TEX2: variants seen among roughly 807,000 people sequenced by gnomAD.
The protein encoded by TEX2 is testis expressed 2.
Under a neutral mutation model 106.9 loss-of-function variants are expected in TEX2, and 53 were observed. The ratio of observed to expected loss-of-function variants is 0.50; its 90% confidence interval spans 0.40 to 0.62. TEX2 has a LOEUF of 0.62. Ranked by LOEUF, TEX2 falls within the 20% of genes least tolerant of loss-of-function variation. TEX2 has a pLI of 0.00. For missense variants in TEX2, 1,207 were observed against 1,379.0 expected (o/e 0.88, Z 1.98); for synonymous variants, 523 against 534.8 (o/e 0.98, Z 0.30).
At chr17:64,186,634 T>C (rs2032086064) in intron 5 of TEX2, among the ~76,000 whole-genome samples, 1 of 152,104 alleles carries the variant, frequency 6.6e-6, no homozygotes, top group Non-Finnish European at 1.5e-5. Context: ...CTGGGCAACA[T>C]GGTGAAACCC....
At chr17:64,171,005 G>T in intron 7 of TEX2, 95 bp downstream of exon 7, 2 of 966,470 alleles carry the variant, frequency 2.1e-6, no homozygotes, top group Non-Finnish European at 3.2e-6. Flanking sequence ...GATTTAAAAA[G>T]TCCTCAACAC....
chr17:64,192,309 G>A (rs2032329158), intron 4 of TEX2, among the ~76,000 whole-genome samples: 2 of 152,204 alleles, frequency 1.3e-5, no homozygotes, highest in Admixed American at 1.3e-4. Flanking sequence ...GAAACAGGGT[G>A]GGCTCCTAAT....
chr17:64,229,113 AAGTC>A (rs782196760), intron 1 of TEX2, among the ~76,000 whole-genome samples: 12 of 152,342 alleles, frequency 7.9e-5, no homozygotes, highest in Non-Finnish European at 1.5e-4. Flanking sequence ...TGCAAAAAGA[AAGTC>A]TATCTGTAGG....
chr17:64,243,722 T>C (rs1376342252), intron 1 of TEX2, among the ~76,000 whole-genome samples: 1 of 152,178 alleles, frequency 6.6e-6, no homozygotes, highest in Non-Finnish European at 1.5e-5. Flanking sequence ...TTGGTCTGTG[T>C]GTACATGTGC....
chr17:64,181,828 T>C (rs1481573754), intron 5 of TEX2, among the ~76,000 whole-genome samples: 1 of 151,402 alleles, frequency 6.6e-6, no homozygotes, highest in Non-Finnish European at 1.5e-5. Context: ...TTTTGTATTT[T>C]TTTTTTTTTT....
intron 1 of TEX2, chr17:64,242,318 G>C (rs1161596933): frequency 6.6e-6 from 1 of 152,182 alleles, no homozygotes; most frequent in Non-Finnish European, 1.5e-5. Flanking sequence ...AAGCCTTCCT[G>C]AGGACTATAA....
chr17:64,181,411 G>A lies in TEX2; in HGVS notation c.2425-3940C>T, dbSNP rs111624300. Reference sequence around the variant, plus strand: ...GAATCGCTTGAGCCCAGGAGGCAGAGGTTGCAGTGGGCCGAGACCGTGCCA... The same window carrying A: ...GAATCGCTTGAGCCCAGGAGGCAGAAGTTGCAGTGGGCCGAGACCGTGCCA... On this transcript the variant is annotated intron_variant, in intron 5 of 11. Coordinates refer to ENST00000584379, the MANE Select transcript of TEX2 (RefSeq NM_001288732.2). Among the ~76,000 whole-genome samples, 1,367 of 146,672 alleles carry A rather than the reference G, an allele frequency of 9.3e-3. 20 individuals are homozygous for A. Among genetic ancestry groups the A allele is most frequent in the African/African-American group, 0.033 (1,309 of 39,598 alleles).
At chr17:64,186,030 T>G (rs545355827) in intron 5 of TEX2, among the ~76,000 whole-genome samples, 1 of 152,322 alleles carries the variant, frequency 6.6e-6, no homozygotes, top group African/African-American at 2.4e-5. Context: ...AATGCTGGGC[T>G]GTGACATCAG....
intron 1 of TEX2, among the ~76,000 whole-genome samples, chr17:64,215,680 T>C (rs2033165434): frequency 6.6e-6 from 1 of 152,208 alleles, no homozygotes; most frequent in Admixed American, 6.5e-5. Context: ...TCCACAGTCC[T>C]TTCCAAATTT....
intron 7 of TEX2, among the ~76,000 whole-genome samples, chr17:64,162,444 T>A (rs2030929937): frequency 6.6e-6 from 1 of 152,226 alleles, no homozygotes; most frequent in East Asian, 1.9e-4. Context: ...ACTATATACA[T>A]CCAAACATAA....
rs142061807 is a variant in TEX2 at position 64,212,940 on chromosome 17, G to C, written c.1278C>G (p.Phe426Leu). ...EEFCELYTED[F>L]DLETEGESKV... Reference sequence around the variant, plus strand: ...TACTCTCCCCCTCCGTTTCCAAATCGAAGTCCTCAGTGTACAGTTCACAAA... The same window carrying C: ...TACTCTCCCCCTCCGTTTCCAAATCCAAGTCCTCAGTGTACAGTTCACAAA... The change falls in exon 2 of 12, where the codon TTC becomes TTG. Residue 426 changes from phenylalanine to leucine, a missense_variant. Phe to Leu is a conservative substitution (Grantham distance 22). Coordinates refer to ENST00000584379, the MANE Select transcript of TEX2 (RefSeq NM_001288732.2). The C allele has an allele frequency of 3.5e-4, 568 of 1,614,148 alleles. 1 individual carries two copies. In the African/African-American group the frequency reaches 6.4e-3, roughly 18 times the overall value.
chr17:64,157,686 C>T (rs1211640028), intron 8 of TEX2, among the ~76,000 whole-genome samples: 1 of 152,262 alleles, frequency 6.6e-6, no homozygotes, highest in East Asian at 1.9e-4. Flanking sequence ...TTCTATACAC[C>T]TGCCACAGGC....
intron 1 of TEX2, among the ~76,000 whole-genome samples, chr17:64,243,006 G>A (rs544808351): frequency 5.2e-4 from 79 of 151,432 alleles, no homozygotes; most frequent in Non-Finnish European, 8.1e-4. Context: ...TCAGCTGACT[G>A]CAACCTCTGC....
rs2032545312 is a variant in TEX2 at position 64,198,366 on chromosome 17, G to A, written c.1645-3271C>T. Among the ~76,000 whole-genome samples the A allele has an allele frequency of 2.0e-5, 3 of 150,758 alleles. No homozygotes were observed. In the Admixed American group the frequency reaches 2.0e-4, roughly 10 times the overall value. On this transcript the variant is annotated intron_variant, in intron 2 of 11. Transcript: ENST00000584379. ...AGGCAACTAGATTAATAAAGAACTT[G>A]AAGCAGATATAATCGTTTTTCTAAG... is the stretch of plus-strand genomic sequence containing the variant.
At chr17:64,163,926 T>G (rs2143680139) in intron 7 of TEX2, among the ~76,000 whole-genome samples, 1 of 152,332 alleles carries the variant, frequency 6.6e-6, no homozygotes, top group African/African-American at 2.4e-5. Context: ...GAAAATACTT[T>G]CTATAACCAT....
intron 1 of TEX2, among the ~76,000 whole-genome samples, chr17:64,248,628 A>G (rs1176424810): frequency 2.0e-5 from 3 of 152,352 alleles, no homozygotes; most frequent in Non-Finnish European, 4.4e-5. Context: ...TGATTAGACG[A>G]GGGTTCCCAT....
chr17:64,223,081 C>T (rs1168298027), intron 1 of TEX2, among the ~76,000 whole-genome samples: 4 of 152,146 alleles, frequency 2.6e-5, no homozygotes, highest in African/African-American at 9.7e-5. Flanking sequence ...ATCTAGTTTA[C>T]AAATTAGTAG....
intron 4 of TEX2, among the ~76,000 whole-genome samples, chr17:64,192,016 G>A (rs1259624307): frequency 1.3e-5 from 2 of 151,908 alleles, no homozygotes; most frequent in Non-Finnish European, 2.9e-5. Context: ...CTTATACTTA[G>A]AGCACACCTC....
intron 6 of TEX2, among the ~76,000 whole-genome samples, chr17:64,176,742 A>G (rs986667731): frequency 2.6e-5 from 4 of 152,222 alleles, no homozygotes; most frequent in African/African-American, 9.6e-5. Flanking sequence ...GCCAAAAAGT[A>G]AAGGTCAAAC....
Sources: allele counts gnomAD v4.1 joint callset (sites outside exome capture counted in the v4.1 genomes callset), GRCh38; gene constraint gnomAD v4.1.1; transcripts MANE v1.5; gene names NCBI Gene and HGNC (gene_info 2026-07-23, HGNC 2026-07-21).